HNRNPA3: variants seen among roughly 807,000 people sequenced by gnomAD.
HNRNPA3 encodes the protein epididymis secretory sperm binding protein.
In HNRNPA3, 3 loss-of-function variants were observed where a neutral mutation model predicts 45.8. That is an observed-to-expected ratio of 0.07 (90% CI 0.03 to 0.17). The LOEUF (loss-of-function observed/expected upper bound fraction) is 0.17, where lower values mean the gene tolerates loss of function less well. HNRNPA3 is among the 10% of genes least tolerant of loss of function. The pLI is 1.00. For synonymous variants in HNRNPA3, 170 were observed against 155.6 expected, an observed-to-expected ratio of 1.09 and a Z score of -0.69; for missense variants, 183 against 480.3, an observed-to-expected ratio of 0.38 and a Z score of 5.79.
chr2:177,216,373 G>T (rs1688935807), intron 4 of HNRNPA3, 130 bp from the exon 5 acceptor site: 2 of 735,672 alleles, frequency 2.7e-6, no homozygotes, highest in Non-Finnish European at 4.5e-6. Context: ...ATCTCAGAAT[G>T]CTCCTTCATT....
At chr2:177,222,832 C>T (rs1215510240), downstream of HNRNPA3, 1 of 152,604 alleles carries the variant, frequency 6.6e-6, no homozygotes, top group African/African-American at 2.4e-5. Flanking sequence ...CAAGTGGCCT[C>T]ATAAGTTGTC....
At chr2:177,220,054 G>A (rs1689123752) in exon 11 of HNRNPA3, 1 of 152,546 alleles carries the variant, frequency 6.6e-6, no homozygotes, top group Non-Finnish European at 1.5e-5. Context: ...AGATAAATAG[G>A]ATTGGGTATT....
chr2:177,216,784 TC>T lies in HNRNPA3; in HGVS notation c.739+14del. The T allele has an allele frequency of 2.5e-6, 4 of 1,614,144 alleles. No individual in the cohort carries two copies. The highest frequency in any genetic ancestry group is 3.4e-6 in the Non-Finnish European group (4 of 1,180,006). On this transcript the variant is annotated intron_variant, in intron 6 of 10. Transcript: ENST00000392524. ...TTTGGTGGAAGAGGTAGGCTGTTTATCTTCTAAGTACATGGATACCTGACAT... is the reference window on the plus strand; with the variant it reads ...TTTGGTGGAAGAGGTAGGCTGTTTATTTCTAAGTACATGGATACCTGACAT...
At chr2:177,214,911 C>T (rs565136773) in intron 1 of HNRNPA3, among the ~76,000 whole-genome samples, 1 of 152,072 alleles carries the variant, frequency 6.6e-6, no homozygotes, top group African/African-American at 2.4e-5. Flanking sequence ...AAATGACTTA[C>T]TAGCAACTTC....
chr2:177,218,941 G>GTGT (rs1226547733), intron 8 of HNRNPA3, 96 bp from the exon 9 acceptor site: 2 of 1,458,694 alleles, frequency 1.4e-6, no homozygotes, highest in African/African-American at 2.8e-5. Flanking sequence ...GTATAAGCAT[G>GTGT]CTACCATAAT....
At chr2:177,215,830 A>C in exon 3 of HNRNPA3, 1 of 1,609,842 alleles carries the variant, frequency 6.2e-7, no homozygotes, top group Non-Finnish European at 8.5e-7. Flanking sequence ...TGGATGCAGC[A>C]ATGTGTGCTC....
chr2:177,221,235 G>A (rs2105439891), downstream of HNRNPA3: 1 of 152,768 alleles, frequency 6.5e-6, no homozygotes, highest in South Asian at 2.1e-4. Context: ...ATAACTTCAA[G>A]TGTGGTTATA....
exon 1 of HNRNPA3, chr2:177,212,797 A>G (rs1688736951): frequency 6.4e-7 from 1 of 1,564,300 alleles, no homozygotes; most frequent in Non-Finnish European, 8.6e-7. Flanking sequence ...GTCCGGTCTC[A>G]AAATGGAGGT....
In HNRNPA3 at chr2:177,217,822, A is replaced by G. The variant is rs1016439081; in HGVS notation, c.938A>G (p.Asn313Ser). 21 of 1,586,526 alleles carry G rather than the reference A, an allele frequency of 1.3e-5. 1 individual carries two copies. The highest frequency in any genetic ancestry group is 4.1e-5 in the African/African-American group (3 of 73,240). Residue 313 changes from asparagine (N) to serine (S), a missense_variant, in exon 8 of 11, where the codon AAT (asparagine) becomes AGT (serine). Asn to Ser is a conservative substitution (Grantham distance 46, BLOSUM62 1). This residue lies in a region of HNRNPA3 where 123 missense variants were observed against 228.8 expected (regional missense o/e 0.54). Coordinates refer to ENST00000392524, the Ensembl canonical transcript of HNRNPA3. The stretch of plus-strand genomic sequence containing the variant: ...GGAGGTGGAGGATATGATGGTTACA[A>G]TGAAGGAGGAAATTTTGGCGGTGGT...
At chr2:177,221,920 T>G (rs1392959701), downstream of HNRNPA3, 1 of 152,636 alleles carries the variant, frequency 6.6e-6, no homozygotes, top group African/African-American at 2.4e-5. Flanking sequence ...TGAGAGATAG[T>G]TGCCACAGTC....
At chr2:177,221,656 T>C (rs1434232246), downstream of HNRNPA3, 1 of 152,674 alleles carries the variant, frequency 6.5e-6, no homozygotes, top group African/African-American at 2.4e-5. Context: ...GGACCTAAGA[T>C]GTGCTTTTTA....
chr2:177,215,543 A>G (rs918087530), exon 2 of HNRNPA3: 5 of 1,613,944 alleles, frequency 3.1e-6, no homozygotes, highest in African/African-American at 1.3e-5. Context: ...TCTCAGGGCC[A>G]TGATCCAAAG....
At chr2:177,220,018 A>AT (rs1378495749) in exon 11 of HNRNPA3, 1 of 152,608 alleles carries the variant, frequency 6.6e-6, no homozygotes, top group Non-Finnish European at 1.5e-5. Context: ...AGAATAGATA[A>AT]TTTGTGTGTT....
At chr2:177,221,795 A>T (rs1689196253), downstream of HNRNPA3, 1 of 152,694 alleles carries the variant, frequency 6.5e-6, no homozygotes. Flanking sequence ...GTGAAGGCAT[A>T]AGATACTATG....
intron 7 of HNRNPA3, among the ~76,000 whole-genome samples, chr2:177,217,167 G>C (rs527917615): frequency 6.6e-6 from 1 of 152,282 alleles, no homozygotes; most frequent in African/African-American, 2.4e-5. Flanking sequence ...TATTAAGTCT[G>C]AGACTATATT....
downstream of HNRNPA3, chr2:177,221,455 T>C (rs968561689): frequency 3.9e-5 from 6 of 152,662 alleles, no homozygotes; most frequent in African/African-American, 1.4e-4. Context: ...ATGAGGTTAA[T>C]TGTACTGTTA....
chr2:177,217,689 T>C lies in HNRNPA3; in HGVS notation c.821-16T>C, dbSNP rs780893830. On this transcript the variant is annotated splice_polypyrimidine_tract_variant and intron_variant, in intron 7 of 10. Coordinates refer to ENST00000392524, the Ensembl canonical transcript of HNRNPA3. Reference sequence around the variant, plus strand: ...CTTAAGTTTTTGTGTGGTCTTGTTATTTGTTGTTTTTTTAGGTGGCAACTA... The same window carrying C: ...CTTAAGTTTTTGTGTGGTCTTGTTACTTGTTGTTTTTTTAGGTGGCAACTA... The C allele has an allele frequency of 1.2e-6, 2 of 1,612,228 alleles. No homozygotes were observed. Among genetic ancestry groups the C allele is most frequent in the South Asian group, 2.2e-5 (2 of 90,998 alleles).
downstream of HNRNPA3, chr2:177,223,039 T>G (rs142187754): frequency 1.3e-5 from 2 of 152,752 alleles, no homozygotes; most frequent in Non-Finnish European, 2.9e-5. Flanking sequence ...CCAAAAGGGC[T>G]TAACAATTTA....
At chr2:177,213,187 G>T (rs1196156400) in intron 1 of HNRNPA3, among the ~76,000 whole-genome samples, 2 of 151,978 alleles carry the variant, frequency 1.3e-5, no homozygotes, top group Non-Finnish European at 2.9e-5. Context: ...GGCGGGAGCG[G>T]TTGGGAGGAG....
Sources: gnomAD v4.1 joint callset for allele counts (sites outside exome capture counted in the v4.1 genomes callset) on GRCh38, gnomAD v4.1.1 for gene constraint, gnomAD v4.1.1 regional missense constraint, MANE v1.5 for transcripts, NCBI Gene and HGNC (gene_info 2026-07-23, HGNC 2026-07-21) for gene names.